Variants in CBL observed in about 807,000 individuals in gnomAD.
CBL encodes E3 ubiquitin-protein ligase CBL.
In CBL, 45 loss-of-function variants were observed where a neutral mutation model predicts 96.9. The ratio of observed to expected loss-of-function variants is 0.46; its 90% CI spans 0.37 to 0.60. The LOEUF (loss-of-function observed/expected upper bound fraction) is 0.60. Ranked by LOEUF, CBL falls within the 20% of genes least tolerant of loss-of-function variation. The pLI is 0.00. For synonymous variants in CBL, 420 were observed against 426.8 expected (o/e 0.98, Z 0.20); for missense variants, 1,024 against 1,143.5 (o/e 0.90, Z 1.51).
intron 2 of CBL, among the ~76,000 whole-genome samples, chr11:119,237,222 G>A (rs1043081578): frequency 1.3e-5 from 2 of 152,150 alleles, no homozygotes; most frequent in Non-Finnish European, 2.9e-5. Context: ...TATCTTCTTT[G>A]GAGAAACATC....
chr11:119,218,576 G>A (rs778340784), intron 1 of CBL, among the ~76,000 whole-genome samples: 14 of 152,048 alleles, frequency 9.2e-5, no homozygotes, highest in Non-Finnish European at 1.9e-4. Context: ...GCAATCTTAC[G>A]CTGCTTCTGT....
chr11:119,300,301 G>C lies in CBL; in HGVS notation c.*520G>C. The C allele has an allele frequency of 2.3e-6, 1 of 428,460 alleles. No homozygotes were observed. Among genetic ancestry groups the C allele is most frequent in the Non-Finnish European group, 4.1e-6 (1 of 243,478 alleles). The allele number at this position is 428,460 out of a possible 1,614,324, so 26.5% of individuals were successfully genotyped here. A position where few individuals can be genotyped will look rare whatever the true frequency, so the allele number is the denominator to read the frequency against. ...TACTGTGGTATTATACCCAAGCCTA[G>C]TGTGTATTACAACTTCAACACTCCC... On this transcript the variant is annotated 3_prime_UTR_variant, in exon 16 of 16. Transcript: ENST00000264033.
At position 119,206,592 on chromosome 11, in the gene CBL, T is replaced by A; in HGVS notation, c.175T>A (p.Cys59Ser). 6.5e-7 allele frequency: 1 copy of A among 1,548,172 alleles called. No homozygotes were observed. Among genetic ancestry groups the A allele is most frequent in the Non-Finnish European group, 8.7e-7 (1 of 1,146,100 alleles). ...GTVDKKMVEK[C>S]WKLMDKVVRL... ...GGTGGACAAGAAGATGGTGGAGAAG[T>A]GCTGGAAGCTCATGGACAAGGTGAA... Residue 59 changes from cysteine to serine, a missense_variant, in exon 1 of 16, where the codon TGC (cysteine) becomes AGC (serine). Cys to Ser is a moderately radical substitution (Grantham distance 112). This residue lies in a region of CBL where 114 missense variants were observed against 117.4 expected (regional missense o/e 0.97). Transcript: ENST00000264033.
chr11:119,269,386 A>G (rs1310406541), intron 2 of CBL, among the ~76,000 whole-genome samples: 1 of 151,568 alleles, frequency 6.6e-6, no homozygotes. Flanking sequence ...ATGCCCGCCT[A>G]ATTTTTGTAT....
intron 5 of CBL, among the ~76,000 whole-genome samples, chr11:119,275,458 A>G (rs567309243): frequency 6.6e-6 from 1 of 152,144 alleles, no homozygotes; most frequent in East Asian, 1.9e-4. Flanking sequence ...AAAAACAAAA[A>G]AAGAATAGAG....
Position 119,206,443 on chromosome 11 carries a change from C to G in CBL, c.26C>G (p.Ser9Cys), listed in dbSNP as rs772525018. The change falls in exon 1 of 16, where the codon TCT becomes TGT. Residue 9 changes from serine (S) to cysteine (C), a missense_variant. Ser to Cys is a moderately radical substitution (Grantham distance 112, BLOSUM62 -1). Transcript: ENST00000264033. The part of the protein sequence containing the change: MAGNVKKS[S>C]GAGGGSGSGG... ...ATGGCCGGCAACGTGAAGAAGAGCT[C>G]TGGGGCCGGGGGCGGCAGCGGCTCC... is the stretch of plus-strand genomic sequence containing the variant. 1 of 1,578,790 alleles carries G rather than the reference C, an allele frequency of 6.3e-7. No individual in the cohort carries two copies. The highest frequency in any genetic ancestry group is 2.3e-5 in the East Asian group (1 of 43,890).
In CBL at chr11:119,304,059, C is replaced by G. The variant is rs1359741128; in HGVS notation, c.*4278C>G. 1 of 233,506 alleles carries G rather than the reference C, an allele frequency of 4.3e-6. No homozygotes were observed. Among genetic ancestry groups the G allele is most frequent in the African/African-American group, 2.2e-5 (1 of 45,306 alleles). The allele number at this position is 233,506 out of a possible 1,614,324, so 14.5% of individuals were successfully genotyped here. ...AGTCAGTTGTTGGGTCTTCCAAGAG[C>G]CAGACATTAATACAGATTGAACTCC... On this transcript the variant is annotated 3_prime_UTR_variant, in exon 16 of 16. Transcript: ENST00000264033.
intron 15 of CBL, 127 bp from the exon 16 acceptor site, chr11:119,299,368 G>GC: frequency 1.2e-6 from 1 of 841,552 alleles, no homozygotes. Flanking sequence ...CCAGCCTTGT[G>GC]ACTGAAGAGC....
chr11:119,210,464 C>G (rs1015897490), intron 1 of CBL, among the ~76,000 whole-genome samples: 1 of 152,018 alleles, frequency 6.6e-6, no homozygotes, highest in African/African-American at 2.4e-5. Flanking sequence ...TTTATTTGCT[C>G]TGTCACCCAG....
At chr11:119,298,831 G>A (rs1950080970) in intron 15 of CBL, among the ~76,000 whole-genome samples, 1 of 152,194 alleles carries the variant, frequency 6.6e-6, no homozygotes, top group Non-Finnish European at 1.5e-5. Context: ...AATTAGGCTT[G>A]ATGGCTCAGA....
chr11:119,301,824 A>G lies in CBL; in HGVS notation c.*2043A>G, dbSNP rs928398655. ...CCGCCATCAACTTCTAACAGCCAGT[A>G]CACACACTGTTTCATTTTGAGGTAA... On this transcript the variant is annotated 3_prime_UTR_variant, in exon 16 of 16. Coordinates refer to ENST00000264033, the MANE Select transcript of CBL (RefSeq NM_005188.4). 6.9e-5 allele frequency: 16 copies of G among 233,166 alleles called. No homozygotes were observed. The highest frequency in any genetic ancestry group is 4.2e-5 in the Non-Finnish European group (5 of 118,054). The allele number at this position is 233,166 out of a possible 1,614,324, so 14.4% of individuals were successfully genotyped here. A position where few individuals can be genotyped will look rare whatever the true frequency, so the allele number is the denominator to read the frequency against.
At chr11:119,206,710 G>C in intron 1 of CBL, 98 bp downstream of exon 1, 1 of 1,331,706 alleles carries the variant, frequency 7.5e-7, no homozygotes, top group Non-Finnish European at 1.0e-6. Flanking sequence ...GGAGGGGACG[G>C]GTCTGGTGAA....
chr11:119,247,057 TCA>T (rs1187835008), intron 2 of CBL, among the ~76,000 whole-genome samples: 4 of 152,216 alleles, frequency 2.6e-5, no homozygotes, highest in South Asian at 2.1e-4. Flanking sequence ...AGCTTGAGTT[TCA>T]TTATTGACAA....
intron 9 of CBL, among the ~76,000 whole-genome samples, chr11:119,281,665 T>C (rs940472583): frequency 1.3e-5 from 2 of 151,882 alleles, no homozygotes; most frequent in African/African-American, 4.8e-5. Context: ...TGGCTAATTT[T>C]TTTTTGTATT....
At chr11:119,273,843 T>C (rs1391630731) in intron 3 of CBL, 25 bp from the exon 4 acceptor site, 9 of 1,607,858 alleles carry the variant, frequency 5.6e-6, no homozygotes, top group Non-Finnish European at 7.7e-6. Context: ...TTTCACTTTA[T>C]GCCTCCTCTC....
At chr11:119,282,732 G>C (rs1359271822) in intron 9 of CBL, among the ~76,000 whole-genome samples, 1 of 152,122 alleles carries the variant, frequency 6.6e-6, no homozygotes, top group African/African-American at 2.4e-5. Flanking sequence ...AGCTGATAGT[G>C]GTAAGCAGAA....
intron 1 of CBL, among the ~76,000 whole-genome samples, chr11:119,218,341 T>C (rs962870995): frequency 2.0e-5 from 3 of 152,166 alleles, no homozygotes; most frequent in Non-Finnish European, 4.4e-5. Context: ...GGAGGAACTT[T>C]AGACCAGTCA....
intron 1 of CBL, among the ~76,000 whole-genome samples, chr11:119,210,450 T>C (rs1949306839): frequency 6.6e-6 from 1 of 152,020 alleles, no homozygotes; most frequent in Non-Finnish European, 1.5e-5. Flanking sequence ...ACTTTATTTA[T>C]TTATTTATTT....
chr11:119,292,292 CT>C (rs1483284170), intron 12 of CBL, among the ~76,000 whole-genome samples: 1 of 151,722 alleles, frequency 6.6e-6, no homozygotes. Flanking sequence ...TGCAGTCCCT[CT>C]TTGTCCTCCT....
Sources: allele counts gnomAD v4.1 joint callset (sites outside exome capture counted in the v4.1 genomes callset), GRCh38; gene constraint gnomAD v4.1.1; regional missense constraint gnomAD v4.1.1; transcripts MANE v1.5; gene names NCBI Gene and HGNC (gene_info 2026-07-23, HGNC 2026-07-21).